The following GGACT variants were observed in gnomAD, a reference collection of about 807,000 sequenced individuals.
GGACT encodes the protein gamma-glutamylaminecyclotransferase.
For synonymous variants in GGACT, 118 were observed against 115.3 expected (o/e 1.02, Z -0.15); for missense variants, 241 against 233.2 (o/e 1.03, Z -0.22).
chr13:100,580,678 A>T (rs557654283), intron 2 of GGACT, among the ~76,000 whole-genome samples: 1 of 152,328 alleles, frequency 6.6e-6, no homozygotes, highest in South Asian at 2.1e-4. Flanking sequence ...TAGGCAGAAT[A>T]AAACAGCCAG....
chr13:100,549,909 T>C (rs2088641190), intron 2 of GGACT, among the ~76,000 whole-genome samples: 1 of 152,196 alleles, frequency 6.6e-6, no homozygotes, highest in Admixed American at 6.5e-5. Context: ...AAGCATAGAA[T>C]TCAAAATTAA....
rs2088421122 is a variant in GGACT at position 100,532,435 on chromosome 13, G to A, written c.157C>T (p.Leu53=). Reference sequence around the variant, plus strand: ...CGCCCCGAGCCGGGCAGGTGCAGCAGCCACGGGATGTTGTGCTCCCCCGCG... The same window carrying A: ...CGCCCCGAGCCGGGCAGGTGCAGCAACCACGGGATGTTGTGCTCCCCCGCG... ...VIAGEHNIPW[L]LHLPGSGRLV... Residue 53 remains leucine, a synonymous_variant, in exon 3 of 3, where the codon CTG becomes TTG. Transcript: ENST00000683975. 5.8e-6 allele frequency: 9 copies of A among 1,549,846 alleles called. No homozygotes were observed. The highest frequency in any genetic ancestry group is 7.0e-6 in the Non-Finnish European group (8 of 1,146,654).
chr13:100,530,334 G>A lies in GGACT; in HGVS notation c.*1796C>T, dbSNP rs556221304. On this transcript the variant is annotated 3_prime_UTR_variant, in exon 3 of 3. Transcript: ENST00000683975. ...ATATTCTGCCAAAAAATCACCAATGGAAATTTTCATTGATATAAATACTTG... is the reference window on the plus strand; with the variant it reads ...ATATTCTGCCAAAAAATCACCAATGAAAATTTTCATTGATATAAATACTTG... The A allele has an allele frequency of 5.8e-5, 39 of 674,764 alleles. 2 individuals carry two copies. The highest frequency in any genetic ancestry group is 4.8e-4 in the South Asian group (29 of 60,608). 41.8% of individuals were successfully genotyped at this position (674,764 alleles called of 1,614,324 possible).
chr13:100,569,523 T>C (rs569668729), intron 2 of GGACT, among the ~76,000 whole-genome samples: 1 of 152,338 alleles, frequency 6.6e-6, no homozygotes, highest in South Asian at 2.1e-4. Context: ...GCATAGCGCA[T>C]GTGGGCCCTG....
intron 2 of GGACT, among the ~76,000 whole-genome samples, chr13:100,549,655 C>G (rs1157108153): frequency 6.6e-6 from 1 of 152,216 alleles, no homozygotes; most frequent in Non-Finnish European, 1.5e-5. Flanking sequence ...AACAGGTTTG[C>G]CTTCAGCATC....
At chr13:100,542,842 C>T (rs896137910) in intron 2 of GGACT, among the ~76,000 whole-genome samples, 1 of 152,228 alleles carries the variant, frequency 6.6e-6, no homozygotes, top group Non-Finnish European at 1.5e-5. Context: ...AGCTGTCCAT[C>T]TGGTCGGGCG....
Position 100,586,183 on chromosome 13 carries a change from C to T in GGACT, c.-183-2186G>A, listed in dbSNP as rs2153017754. 1.3e-5 allele frequency among the ~76,000 whole-genome samples: 2 copies of T among 152,062 alleles called. 1 individual carries two copies. The highest frequency in any genetic ancestry group is 4.8e-5 in the African/African-American group (2 of 41,454). On this transcript the variant is annotated intron_variant, in intron 1 of 2. Transcript: ENST00000683975. ...GTATTATGGTTACACAAGCAAATGC[C>T]CTTTCTCTGGAGAAACATACTGAAC...
intron 1 of GGACT, among the ~76,000 whole-genome samples, chr13:100,584,650 T>C (rs1419249021): frequency 6.6e-6 from 1 of 152,172 alleles, no homozygotes; most frequent in African/African-American, 2.4e-5. Context: ...ACACAAAAGA[T>C]AAATGCTTGA....
rs1164823738 is a variant in GGACT, at chr13:100,532,440, G to A, written c.152C>T (p.Pro51Leu). 6.5e-7 allele frequency: 1 copy of A among 1,549,790 alleles called. No individual in the cohort carries two copies. The highest frequency in any genetic ancestry group is 8.7e-7 in the Non-Finnish European group (1 of 1,146,634). Residue 51 changes from proline to leucine, a missense_variant, in exon 3 of 3, where the codon CCG becomes CTG. Transcript: ENST00000683975. Reference protein sequence around the residue: ...PLVIAGEHNIPWLLHLPGSGR... With the variant: ...PLVIAGEHNILWLLHLPGSGR... The stretch of plus-strand genomic sequence containing the variant: ...CGAGCCGGGCAGGTGCAGCAGCCAC[G>A]GGATGTTGTGCTCCCCCGCGATCAC...
Position 100,530,387 on chromosome 13 carries a change from G to T in GGACT, c.*1743C>A. On this transcript the variant is annotated 3_prime_UTR_variant, in exon 3 of 3. Transcript: ENST00000683975. ...CATATGATTTGTACTTCTGCTGTGA[G>T]ATTCCCTAGTGTCAAAATTAAATCA... is the stretch of plus-strand genomic sequence containing the variant. 1.6e-6 allele frequency: 1 copy of T among 607,970 alleles called. No individual in the cohort carries two copies. The highest frequency in any genetic ancestry group is 2.9e-6 in the Non-Finnish European group (1 of 340,678). The allele number at this position is 607,970 out of a possible 1,614,324, so 37.7% of individuals were successfully genotyped here.
In GGACT at chr13:100,534,564, C is replaced by T. The variant is rs1594180983; in HGVS notation, c.-10-1963G>A. Reference sequence around the variant, plus strand: ...GGATGGAAGCAGCTGTCTACAACAGCGGGCAAGGAGCTATCCCAAAAGACG... The same window carrying T: ...GGATGGAAGCAGCTGTCTACAACAGTGGGCAAGGAGCTATCCCAAAAGACG... On this transcript the variant is annotated intron_variant, in intron 2 of 2. Transcript: ENST00000683975. The surrounding 1 kb of genome is among the most constrained non-coding windows in gnomAD (Gnocchi z 4.9). Among the ~76,000 whole-genome samples the T allele has an allele frequency of 6.6e-6, 1 of 152,162 alleles. No individual in the cohort carries two copies. Among genetic ancestry groups the T allele is most frequent in the Non-Finnish European group, 1.5e-5 (1 of 68,006 alleles).
chr13:100,538,062 A>G (rs144943958), intron 2 of GGACT: 19 of 152,306 alleles, frequency 1.2e-4, no homozygotes, highest in African/African-American at 4.3e-4. Context: ...GCCCCGCACT[A>G]AGTAGCCTGT....
chr13:100,553,156 C>T (rs188200134), intron 2 of GGACT, among the ~76,000 whole-genome samples: 17 of 152,316 alleles, frequency 1.1e-4, no homozygotes, highest in East Asian at 3.9e-4. Flanking sequence ...GAGGGCACTA[C>T]GCCTGGGAGG....
rs1330398354 is a variant in GGACT at position 100,530,196 on chromosome 13, A to G, written c.*1934T>C. ...TTTATAACCTTTCAGTCATCACCCAATTTAATTAGCCATTTGCATGATGCT... is the reference window on the plus strand; with the variant it reads ...TTTATAACCTTTCAGTCATCACCCAGTTTAATTAGCCATTTGCATGATGCT... On this transcript the variant is annotated 3_prime_UTR_variant, in exon 3 of 3. Transcript: ENST00000683975. The G allele has an allele frequency of 1.3e-6, 2 of 1,546,296 alleles. No homozygotes were observed. Among genetic ancestry groups the G allele is most frequent in the African/African-American group, 1.4e-5 (1 of 73,738 alleles).
Position 100,531,174 on chromosome 13 carries a change from C to G in GGACT, c.*956G>C, listed in dbSNP as rs565586583. The stretch of plus-strand genomic sequence containing the variant: ...TTTGCTGGGAAGCAGAAGCAAGAGC[C>G]GTGCACCGAGTTGAATCGATGCTGA... On this transcript the variant is annotated 3_prime_UTR_variant, in exon 3 of 3. Transcript: ENST00000683975. The G allele has an allele frequency of 6.6e-6, 1 of 152,316 alleles. No homozygotes were observed. The highest frequency in any genetic ancestry group is 2.4e-5 in the African/African-American group (1 of 41,566). The allele number at this position is 152,316 out of a possible 1,614,324, so 9.4% of individuals were successfully genotyped here. A position where few individuals can be genotyped will look rare whatever the true frequency, so the allele number is the denominator to read the frequency against.
intron 1 of GGACT, among the ~76,000 whole-genome samples, chr13:100,585,641 G>A (rs1875544084): frequency 1.3e-5 from 2 of 151,816 alleles, no homozygotes; most frequent in South Asian, 4.2e-4. Context: ...GGTGGCATGC[G>A]CCTGTAGTCC....
At chr13:100,542,779 C>A (rs2088566820) in intron 2 of GGACT, among the ~76,000 whole-genome samples, 1 of 152,162 alleles carries the variant, frequency 6.6e-6, no homozygotes, top group South Asian at 2.1e-4. Context: ...AGCTTTAGAT[C>A]AGCAAAATCT....
chr13:100,543,789 T>A (rs2153013279), intron 2 of GGACT, among the ~76,000 whole-genome samples: 1 of 152,306 alleles, frequency 6.6e-6, no homozygotes, highest in Admixed American at 6.5e-5. Context: ...AGAAATAGTA[T>A]CAGAATCATA....
At chr13:100,583,669 T>G (rs1875483065) in intron 2 of GGACT, among the ~76,000 whole-genome samples, 156 bp downstream of exon 2, 1 of 152,162 alleles carries the variant, frequency 6.6e-6, no homozygotes, top group Non-Finnish European at 1.5e-5. Flanking sequence ...GTGCTGGAAT[T>G]ACAGTACAAG....
Sources: allele counts gnomAD v4.1 joint callset (sites outside exome capture counted in the v4.1 genomes callset), GRCh38; gene constraint gnomAD v4.1.1; non-coding constraint Gnocchi (gnomAD v3.1); transcripts MANE v1.5; gene names NCBI Gene and HGNC (gene_info 2026-07-23, HGNC 2026-07-21).